ATP5F1A: variants seen among roughly 807,000 people sequenced by gnomAD.
The protein encoded by ATP5F1A is ATP synthase F1 subunit alpha.
Under a neutral mutation model 57.4 loss-of-function variants are expected in ATP5F1A, and 24 were observed. The observed-to-expected ratio is 0.42, with a 90% CI of 0.30 to 0.59. The LOEUF is 0.59. ATP5F1A is among the 20% of genes least tolerant of loss of function. The pLI, the probability that ATP5F1A is intolerant of heterozygous loss-of-function variation, is 0.19. For synonymous variants in ATP5F1A, 251 were observed against 255.5 expected (o/e 0.98, Z 0.17); for missense variants, 494 against 707.9 (o/e 0.70, Z 3.43).
chr18:46,099,902 C>T (rs1190029164), upstream of ATP5F1A, among the ~76,000 whole-genome samples: 1 of 152,128 alleles, frequency 6.6e-6, no homozygotes, highest in Non-Finnish European at 1.5e-5. Flanking sequence ...CTACTCTTTT[C>T]AAGGTAAGCC....
chr18:46,103,610 CA>C (rs71160711), intron 1 of ATP5F1A, among the ~76,000 whole-genome samples: 474 of 34,488 alleles, frequency 0.014, 2 homozygotes, highest in African/African-American at 0.053. Flanking sequence ...GACTCCATCT[CA>C]AAAAAAAAAA....
In ATP5F1A at chr18:46,098,258, T is replaced by A. The variant is rs754917361; in HGVS notation, c.-27A>T. 1.3e-6 allele frequency: 2 copies of A among 1,598,004 alleles called. No individual in the cohort carries two copies. The highest frequency in any genetic ancestry group is 2.7e-5 in the African/African-American group (2 of 74,782). ...TTTGCAGTTACTCCGCAGGCGGTAC[T>A]TCTGCAGCCGCAGCCTCCGGACTGA... On this transcript the variant is annotated 5_prime_UTR_variant, in exon 1 of 12. In the 5' UTR this introduces an upstream ATG that the reference lacks. Transcript: ENST00000398752.
At chr18:46,091,588 G>T (rs2144197154) in intron 3 of ATP5F1A, 94 bp downstream of exon 3, 1 of 1,341,090 alleles carries the variant, frequency 7.5e-7, no homozygotes, top group East Asian at 2.4e-5. Context: ...TTAAGACAAA[G>T]TTTTTTAAAA....
chr18:46,087,822 G>T, intron 6 of ATP5F1A: 1 of 450,478 alleles, frequency 2.2e-6, no homozygotes, highest in Non-Finnish European at 3.9e-6. Context: ...AGAGGTTGCA[G>T]TGAGCTGAGA....
At chr18:46,101,956 C>A (rs992232517), upstream of ATP5F1A, among the ~76,000 whole-genome samples, 3 of 151,572 alleles carry the variant, frequency 2.0e-5, no homozygotes, top group African/African-American at 7.3e-5. Flanking sequence ...GGGCGGATCA[C>A]GAGGTCAGGA....
At chr18:46,087,600 C>T in intron 6 of ATP5F1A, 108 bp from the exon 7 acceptor site, 2 of 1,320,800 alleles carry the variant, frequency 1.5e-6, no homozygotes, top group Non-Finnish European at 2.1e-6. Flanking sequence ...GTTAATCAGG[C>T]CAGGCGCAGT....
chr18:46,104,077 CT>C (rs972326613), intron 1 of ATP5F1A: 153 of 284,054 alleles, frequency 5.4e-4, no homozygotes, highest in Middle Eastern at 1.9e-3. Context: ...GTTTCAAGTA[CT>C]TTTTTTTAAC....
intron 1 of ATP5F1A, among the ~76,000 whole-genome samples, chr18:46,096,216 A>G (rs563026879): frequency 6.6e-6 from 1 of 150,656 alleles, no homozygotes; most frequent in Non-Finnish European, 1.5e-5. Flanking sequence ...AAAAGCAACT[A>G]TTGGCAGGGC....
intron 2 of ATP5F1A, chr18:46,092,187 A>AAT (rs1910607905): frequency 1.0e-4 from 3 of 29,052 alleles, no homozygotes; most frequent in African/African-American, 2.7e-4. Flanking sequence ...TCAAAATAAT[A>AAT]ATAATAATAA....
Position 46,080,973 on chromosome 18 carries a change from T to C in ATP5F1A, c.*3309A>G, listed in dbSNP as rs1403688743. The stretch of plus-strand genomic sequence containing the variant: ...GGTGAAACCCCGTCTCTACTAAAAA[T>C]ACAAAAATTAGCCAGGCATGGTGGT... On this transcript the variant is annotated 3_prime_UTR_variant, in exon 12 of 12. Coordinates refer to ENST00000398752, the MANE Select transcript of ATP5F1A (RefSeq NM_004046.6). The C allele has an allele frequency of 6.6e-6, 1 of 150,450 alleles. No homozygotes were observed. The highest frequency in any genetic ancestry group is 2.4e-5 in the African/African-American group (1 of 40,820). The allele number at this position is 150,450 out of a possible 1,614,324, so 9.3% of individuals were successfully genotyped here. A position where few individuals can be genotyped will look rare whatever the true frequency, so the allele number is the denominator to read the frequency against.
Sources: allele counts gnomAD v4.1 joint callset (sites outside exome capture counted in the v4.1 genomes callset), GRCh38; gene constraint gnomAD v4.1.1; transcripts MANE v1.5; gene names NCBI Gene and HGNC (gene_info 2026-07-23, HGNC 2026-07-21).